GSTO2: variants seen among roughly 807,000 people sequenced by gnomAD.
GSTO2 encodes the protein glutathione S-transferase omega 2.
Under a neutral mutation model 28.4 loss-of-function variants are expected in GSTO2, and 23 were observed. The ratio of observed to expected loss-of-function variants is 0.81; its 90% CI spans 0.58 to 1.15. The LOEUF is 1.15. Ranked by LOEUF, GSTO2 falls within the 50% of genes most tolerant of loss-of-function variation. GSTO2 has a pLI of 0.00. For missense variants in GSTO2, 298 were observed against 297.8 expected (o/e 1.00, Z 0.00); for synonymous variants, 109 against 111.0 (o/e 0.98, Z 0.11).
intron 1 of GSTO2, among the ~76,000 whole-genome samples, chr10:104,270,159 G>T (rs1197198573): frequency 6.6e-6 from 1 of 152,112 alleles, no homozygotes; most frequent in Admixed American, 6.5e-5. Flanking sequence ...GACTACAGGC[G>T]CCCGCCACCG....
Position 104,299,189 on chromosome 10 carries a change from G to A in GSTO2, c.637G>A (p.Val213Ile), listed in dbSNP as rs753142090. 1.2e-6 allele frequency: 2 copies of A among 1,614,242 alleles called. No homozygotes were observed. Among genetic ancestry groups the A allele is most frequent in the South Asian group, 1.1e-5 (1 of 91,086 alleles). ...ATCAGCCATGAAGTGGGACCCCACA[G>A]TCTGTGCTCTTCTCATGGATAAGAG... The part of the protein sequence containing the change: ...WISAMKWDPT[V>I]CALLMDKSIF... Residue 213 changes from valine to isoleucine, a missense_variant, in exon 7 of 7, where the codon GTC (valine) becomes ATC (isoleucine). By Grantham distance (29) the Val-to-Ile change is conservative (BLOSUM62 3). Coordinates refer to ENST00000338595, the MANE Select transcript of GSTO2 (RefSeq NM_183239.2).
rs554384240 is a variant in GSTO2, at chr10:104,304,138, A to G, written c.*4854A>G. 2.0e-5 allele frequency: 3 copies of G among 152,422 alleles called. No homozygotes were observed. Among genetic ancestry groups the G allele is most frequent in the East Asian group, 3.9e-4 (2 of 5,188 alleles). 9.4% of individuals were successfully genotyped at this position (152,422 alleles called of 1,614,324 possible). ...AATATCCAGCCCAGTGCAGTTCTCA[A>G]TGAGTAGTCTCCAGTTCCCATCCCC... On this transcript the variant is annotated 3_prime_UTR_variant, in exon 7 of 7. Transcript: ENST00000338595.
chr10:104,296,140 G>A (rs1053968623), intron 5 of GSTO2: 12 of 152,024 alleles, frequency 7.9e-5, no homozygotes, highest in Non-Finnish European at 1.5e-4. Context: ...ACTTTTTTGG[G>A]GCTGTCTTTG....
intron 5 of GSTO2, chr10:104,295,058 T>G (rs1589875515): frequency 6.6e-6 from 1 of 152,196 alleles, no homozygotes; most frequent in African/African-American, 2.4e-5. Flanking sequence ...TGGTTCTGAT[T>G]TGTGCCGTGA....
At chr10:104,297,474 C>T in intron 5 of GSTO2, 104 bp from the exon 6 acceptor site, 1 of 687,170 alleles carries the variant, frequency 1.5e-6, no homozygotes, top group Non-Finnish European at 2.5e-6. Flanking sequence ...AGAGAGGCCT[C>T]AGTTCTCCCT....
At chr10:104,296,684 G>A (rs973328515) in intron 5 of GSTO2, 3 of 151,262 alleles carry the variant, frequency 2.0e-5, no homozygotes, top group Non-Finnish European at 2.9e-5. Flanking sequence ...CTGTTAAATA[G>A]GATGCTCTTT....
intron 5 of GSTO2, chr10:104,291,232 G>C (rs1292819506): frequency 1.3e-5 from 2 of 152,160 alleles, no homozygotes; most frequent in Admixed American, 6.5e-5. Context: ...TTTTCATGAG[G>C]AAAAACTTTC....
At chr10:104,273,982 A>T (rs774184441) in intron 1 of GSTO2, among the ~76,000 whole-genome samples, 79 of 152,290 alleles carry the variant, frequency 5.2e-4, no homozygotes, top group Non-Finnish European at 9.4e-4. Flanking sequence ...AATTCTGGAA[A>T]ATTTAAGGAA....
At chr10:104,286,795 A>G (rs1485035225) in intron 5 of GSTO2, among the ~76,000 whole-genome samples, 3 of 152,098 alleles carry the variant, frequency 2.0e-5, no homozygotes, top group Non-Finnish European at 4.4e-5. Flanking sequence ...CATAAATAAT[A>G]GAATAATAAT....
rs555566142 is a variant in GSTO2 at position 104,279,063 on chromosome 10, C to T, written c.367-307C>T. 4.1e-4 allele frequency among the ~76,000 whole-genome samples: 62 copies of T among 152,248 alleles called. 1 individual carries two copies. The South Asian group carries it at 5.8e-3, about 14-fold the overall frequency. On this transcript the variant is annotated intron_variant, in intron 4 of 6. Transcript: ENST00000338595. ...ATCGTATCCATTTTTCAGATGAGAACACTGAGGCTTAGAGAGGTTGAGTGT... is the reference window on the plus strand; with the variant it reads ...ATCGTATCCATTTTTCAGATGAGAATACTGAGGCTTAGAGAGGTTGAGTGT...
At chr10:104,271,616 C>G (rs936730445) in intron 1 of GSTO2, among the ~76,000 whole-genome samples, 1 of 152,230 alleles carries the variant, frequency 6.6e-6, no homozygotes, top group Non-Finnish European at 1.5e-5. Context: ...AACCTTGACA[C>G]TAGATTGTTT....
chr10:104,271,929 G>T (rs866650362), intron 1 of GSTO2, among the ~76,000 whole-genome samples: 1 of 152,112 alleles, frequency 6.6e-6, no homozygotes, highest in African/African-American at 2.4e-5. Flanking sequence ...CCAATTGTTG[G>T]TTTTTTTATA....
rs56803318 is a variant in GSTO2 at position 104,280,165 on chromosome 10, CAAAAAAAAAAAAA to C, written c.468+708_468+720del. On this transcript the variant is annotated intron_variant, in intron 5 of 6. Coordinates refer to ENST00000338595, the MANE Select transcript of GSTO2 (RefSeq NM_183239.2). ...TGGGTGACAGAGTAAGTAGGACTGACAAAAAAAAAAAAAAAAAAAAAAAAAAGCCAGAGGTAGG... is the reference window on the plus strand; with the variant it reads ...TGGGTGACAGAGTAAGTAGGACTGACAAAAAAAAAAAAAGCCAGAGGTAGG... 4.7e-3 allele frequency among the ~76,000 whole-genome samples: 268 copies of C among 57,086 alleles called. 1 individual carries two copies. Among genetic ancestry groups the C allele is most frequent in the Non-Finnish European group, 7.2e-3 (214 of 29,664 alleles). The allele number at this position is 57,086 out of a possible 152,430, so 37.5% of individuals were successfully genotyped here.
intron 5 of GSTO2, among the ~76,000 whole-genome samples, chr10:104,281,954 G>A (rs910262478): frequency 6.6e-6 from 1 of 152,044 alleles, no homozygotes; most frequent in East Asian, 1.9e-4. Flanking sequence ...ATCAGTGAGG[G>A]GTTGACAGCG....
chr10:104,277,118 G>A (rs773702554), intron 3 of GSTO2, among the ~76,000 whole-genome samples: 6 of 152,120 alleles, frequency 3.9e-5, no homozygotes, highest in South Asian at 4.1e-4. Context: ...AAGCTAGACC[G>A]TTTATTCTGA....
Position 104,299,573 on chromosome 10 carries a change from T to A in GSTO2, c.*289T>A. ...TCACTGCAGCCTTGAACTCCTGGGC[T>A]CAGTTGATTCTCCCGCCTCAGCCTC... On this transcript the variant is annotated 3_prime_UTR_variant, in exon 7 of 7. Transcript: ENST00000338595. 3.0e-6 allele frequency: 1 copy of A among 331,090 alleles called. No individual in the cohort carries two copies. Among genetic ancestry groups the A allele is most frequent in the Non-Finnish European group, 5.6e-6 (1 of 179,450 alleles). The allele number at this position is 331,090 out of a possible 1,614,324, so 20.5% of individuals were successfully genotyped here. A position where few individuals can be genotyped will look rare whatever the true frequency, so the allele number is the denominator to read the frequency against.
At chr10:104,282,553 C>CAGAAAA (rs2012134669) in intron 5 of GSTO2, among the ~76,000 whole-genome samples, 1 of 102,854 alleles carries the variant, frequency 9.7e-6, no homozygotes, top group African/African-American at 3.6e-5. Context: ...AACCCTATCT[C>CAGAAAA]AAAAAAAAAA....
At chr10:104,274,167 A>T (rs2011526882) in intron 1 of GSTO2, among the ~76,000 whole-genome samples, 1 of 152,174 alleles carries the variant, frequency 6.6e-6, no homozygotes, top group Non-Finnish European at 1.5e-5. Context: ...ATGCTGGGGA[A>T]CGGGGGAAGC....
chr10:104,301,092 G>T lies in GSTO2; in HGVS notation c.*1808G>T, dbSNP rs1449863033. ...TGCTGAGTGAGGTCTGTGAATCACCGTTTTCCTGGGATCTTTGCTCCAAGA... is the reference window on the plus strand; with the variant it reads ...TGCTGAGTGAGGTCTGTGAATCACCTTTTTCCTGGGATCTTTGCTCCAAGA... On this transcript the variant is annotated 3_prime_UTR_variant, in exon 7 of 7. Transcript: ENST00000338595. The T allele has an allele frequency of 2.0e-5, 3 of 152,206 alleles. No individual in the cohort carries two copies. Among genetic ancestry groups the T allele is most frequent in the African/African-American group, 7.2e-5 (3 of 41,432 alleles). The allele number at this position is 152,206 out of a possible 1,614,324, so 9.4% of individuals were successfully genotyped here. A position where few individuals can be genotyped will look rare whatever the true frequency, so the allele number is the denominator to read the frequency against.
Sources: allele counts gnomAD v4.1 joint callset (sites outside exome capture counted in the v4.1 genomes callset), GRCh38; gene constraint gnomAD v4.1.1; transcripts MANE v1.5; gene names NCBI Gene and HGNC (gene_info 2026-07-23, HGNC 2026-07-21).